PIGL: variants seen among roughly 807,000 people sequenced by gnomAD.
PIGL encodes the protein N-acetylglucosaminyl-phosphatidylinositol de-N-acetylase.
Under a neutral mutation model 31.1 loss-of-function variants are expected in PIGL, and 22 were observed. The observed-to-expected ratio is 0.71, with a 90% CI of 0.51 to 1.01. PIGL has a LOEUF of 1.01. PIGL is among the 50% of genes least tolerant of loss of function. The pLI is 0.00. For synonymous variants in PIGL, 131 were observed against 117.4 expected (o/e 1.12, Z -0.75); for missense variants, 302 against 315.9 (o/e 0.96, Z 0.33).
chr17:16,298,343 T>C (rs952782541), intron 2 of PIGL, among the ~76,000 whole-genome samples: 1 of 152,138 alleles, frequency 6.6e-6, no homozygotes, highest in Non-Finnish European at 1.5e-5. Flanking sequence ...CTCAGTAGCA[T>C]TATGGGTGTT....
intron 1 of PIGL, among the ~76,000 whole-genome samples, chr17:16,220,494 T>A (rs1352236502): frequency 0.011 from 1,603 of 141,898 alleles, 73 homozygotes; most frequent in African/African-American, 0.039. Flanking sequence ...TTTTTTTTTT[T>A]TTTTTTTTTT....
intron 5 of PIGL, 99 bp from the exon 6 acceptor site, chr17:16,317,675 TG>T: frequency 6.4e-7 from 1 of 1,571,140 alleles, no homozygotes. Flanking sequence ...GCCACTGTCC[TG>T]CCCTGCCCTG....
intron 1 of PIGL, among the ~76,000 whole-genome samples, chr17:16,221,865 C>T (rs178792): frequency 0.45 from 67,698 of 151,852 alleles, 16,155 homozygotes; most frequent in Middle Eastern, 0.58. Context: ...GTGATTCGCC[C>T]ACCTCGGCCT....
chr17:16,252,066 C>CTTTTTTTTTTCT (rs1555852348), intron 2 of PIGL, among the ~76,000 whole-genome samples: 28 of 123,806 alleles, frequency 2.3e-4, no homozygotes, highest in African/African-American at 8.4e-4. Flanking sequence ...TTTTTTTTTC[C>CTTTTTTTTTTCT]TTTTTTTTTT....
At chr17:16,235,787 G>T (rs1410243870) in intron 2 of PIGL, among the ~76,000 whole-genome samples, 1 of 132,894 alleles carries the variant, frequency 7.5e-6, no homozygotes, top group African/African-American at 2.8e-5. Flanking sequence ...CGGCAAATCA[G>T]ATTTGGGTCT....
At chr17:16,309,504 T>C (rs549202518) in intron 3 of PIGL, among the ~76,000 whole-genome samples, 1 of 152,144 alleles carries the variant, frequency 6.6e-6, no homozygotes, top group East Asian at 1.9e-4. Flanking sequence ...GGCTCACACC[T>C]GTAATCACAG....
intron 2 of PIGL, among the ~76,000 whole-genome samples, chr17:16,268,479 G>T (rs143492836): frequency 6.6e-6 from 1 of 152,046 alleles, no homozygotes; most frequent in Non-Finnish European, 1.5e-5. Context: ...ATGAAGTCTC[G>T]CTCTTGTTGC....
chr17:16,253,624 A>G (rs764963714), intron 2 of PIGL, among the ~76,000 whole-genome samples: 39 of 152,198 alleles, frequency 2.6e-4, no homozygotes, highest in South Asian at 6.2e-4. Flanking sequence ...GTTTATACAC[A>G]TATCACCTCT....
At chr17:16,296,085 G>GTACT (rs2092980758) in intron 2 of PIGL, among the ~76,000 whole-genome samples, 1 of 152,188 alleles carries the variant, frequency 6.6e-6, no homozygotes, top group East Asian at 1.9e-4. Context: ...CCATATTTAT[G>GTACT]TACTTATTTA....
chr17:16,244,428 A>C (rs180977705), intron 2 of PIGL, among the ~76,000 whole-genome samples: 1 of 152,332 alleles, frequency 6.6e-6, no homozygotes, highest in Admixed American at 6.5e-5. Context: ...TTGCAAAGGC[A>C]ATTTCAATAT....
chr17:16,276,000 G>C (rs1229914341), intron 2 of PIGL, among the ~76,000 whole-genome samples: 2 of 152,082 alleles, frequency 1.3e-5, no homozygotes, highest in Non-Finnish European at 2.9e-5. Context: ...CTCCAGTCTG[G>C]GTGACAGAGT....
chr17:16,316,887 A>G, intron 5 of PIGL, 175 bp downstream of exon 5: 1 of 1,388,878 alleles, frequency 7.2e-7, no homozygotes, highest in East Asian at 2.6e-5. Flanking sequence ...TGTATCTACC[A>G]GCAAGTGCCT....
chr17:16,221,996 G>C (rs1158630410), intron 1 of PIGL, among the ~76,000 whole-genome samples: 1 of 152,104 alleles, frequency 6.6e-6, no homozygotes, highest in African/African-American at 2.4e-5. Flanking sequence ...TGATCCACCT[G>C]CCTTGGCCTC....
At chr17:16,235,013 A>G (rs1189097083) in intron 2 of PIGL, among the ~76,000 whole-genome samples, 4 of 152,154 alleles carry the variant, frequency 2.6e-5, no homozygotes, top group Admixed American at 6.6e-5. Context: ...TTGTTTCTTC[A>G]CCTATCCCTA....
At chr17:16,259,679 G>T (rs2092811290) in intron 2 of PIGL, among the ~76,000 whole-genome samples, 1 of 152,152 alleles carries the variant, frequency 6.6e-6, no homozygotes, top group African/African-American at 2.4e-5. Flanking sequence ...GATTTTGATG[G>T]CAGCAGCGGC....
At chr17:16,274,820 T>G (rs1022710096) in intron 2 of PIGL, among the ~76,000 whole-genome samples, 22 of 151,022 alleles carry the variant, frequency 1.5e-4, no homozygotes, top group East Asian at 9.7e-4. Context: ...TCACCTAAGG[T>G]CAGGAGTTTG....
In PIGL at chr17:16,321,793, T is replaced by G. The variant is rs185937060; in HGVS notation, c.660+3885T>G. 8.8e-4 allele frequency among the ~76,000 whole-genome samples: 133 copies of G among 151,046 alleles called. 3 individuals are homozygous for G. The highest frequency in any genetic ancestry group is 1.3e-3 in the African/African-American group (54 of 41,160). ...CTTTCTTTTTACTGTTATTTTATGG[T>G]TTTTTTTTGAGACGGAGTTTCGCTC... On this transcript the variant is annotated intron_variant, in intron 6 of 6. Coordinates refer to ENST00000225609, the MANE Select transcript of PIGL (RefSeq NM_004278.4).
intron 2 of PIGL, among the ~76,000 whole-genome samples, chr17:16,284,682 A>T (rs1014282598): frequency 2.0e-5 from 3 of 152,102 alleles, no homozygotes; most frequent in Non-Finnish European, 4.4e-5. Context: ...GACAGCTTCA[A>T]TTCCCTATGA....
At chr17:16,318,094 T>A (rs967888945) in intron 6 of PIGL, among the ~76,000 whole-genome samples, 186 bp downstream of exon 6, 3 of 151,976 alleles carry the variant, frequency 2.0e-5, no homozygotes, top group Non-Finnish European at 4.4e-5. Context: ...GACTTTAGCC[T>A]TTTTTTTCTA....
Sources: allele counts gnomAD v4.1 joint callset (sites outside exome capture counted in the v4.1 genomes callset), GRCh38; gene constraint gnomAD v4.1.1; transcripts MANE v1.5; gene names NCBI Gene and HGNC (gene_info 2026-07-23, HGNC 2026-07-21).